The following STK26 variants were observed in gnomAD, a reference collection of about 807,000 sequenced individuals.
STK26 encodes the protein serine/threonine kinase 26, also known as serine/threonine-protein kinase 26.
Under a neutral mutation model 34.7 loss-of-function variants are expected in STK26, and 14 were observed. That is an observed-to-expected ratio of 0.40 (90% CI 0.27 to 0.63). The LOEUF is 0.63. STK26 is among the 30% of genes least tolerant of loss of function. The probability of loss-of-function intolerance (pLI) is 0.38; values close to 1 mark genes in which losing one functional copy is unlikely to be tolerated. For missense variants in STK26, 226 were observed against 309.1 expected (o/e 0.73, Z 2.02); for synonymous variants, 100 against 109.8 (o/e 0.91, Z 0.56).
rs1220222611 is a variant in STK26 at position 132,074,618 on chromosome X, A to C, written c.*459A>C. The C allele has an allele frequency of 9.0e-6, 1 of 111,567 alleles. No individual in the cohort carries two copies. The highest frequency in any genetic ancestry group is 3.3e-5 in the African/African-American group (1 of 30,547). 9.2% of individuals were successfully genotyped at this position (111,567 alleles called of 1,213,427 possible). ...AATGACTATTGGTGGGGAGGTGTAA[A>C]TAAGTCATACCTTCTTAAAACAGAA... is the stretch of plus-strand genomic sequence containing the variant. On this transcript the variant is annotated 3_prime_UTR_variant, in exon 12 of 12. Transcript: ENST00000394334.
intron 2 of STK26, among the ~76,000 whole-genome samples, chrX:132,040,247 C>T (rs1205637485): frequency 8.9e-6 from 1 of 112,476 alleles, no homozygotes; most frequent in Non-Finnish European, 1.9e-5. Context: ...GCATTAAGCC[C>T]GACTGAGAAT....
At chrX:132,054,567 C>A in intron 2 of STK26, 64 bp from the exon 3 acceptor site, 2 of 1,003,516 alleles carry the variant, frequency 2.0e-6, no homozygotes, top group Non-Finnish European at 2.7e-6. Flanking sequence ...TATTTTCCTT[C>A]ATTAAAAAAA....
At chrX:132,068,896 C>T (rs146813266) in intron 6 of STK26, among the ~76,000 whole-genome samples, 3,207 of 110,872 alleles carry the variant, frequency 0.029, 56 homozygotes, top group Middle Eastern at 0.065. Flanking sequence ...ACAGTGGCCT[C>T]ATGGTTGTTC....
At chrX:132,031,909 C>A (rs1414211687) in intron 2 of STK26, among the ~76,000 whole-genome samples, 1 of 111,942 alleles carries the variant, frequency 8.9e-6, no homozygotes, top group Non-Finnish European at 1.9e-5. Flanking sequence ...GGCACATTGA[C>A]AGCCAACTCT....
intron 2 of STK26, among the ~76,000 whole-genome samples, chrX:132,026,525 C>T (rs1275908312): frequency 8.9e-6 from 1 of 111,774 alleles, no homozygotes; most frequent in Non-Finnish European, 1.9e-5. Flanking sequence ...AAACCTGTTT[C>T]TTTCCACTCA....
intron 2 of STK26, among the ~76,000 whole-genome samples, chrX:132,036,026 C>T (rs1602746656): frequency 9.0e-6 from 1 of 111,635 alleles, no homozygotes; most frequent in Middle Eastern, 4.6e-3. Context: ...CTATACCTGT[C>T]AGATTCATAT....
intron 2 of STK26, among the ~76,000 whole-genome samples, chrX:132,044,030 C>T (rs1230224794): frequency 8.9e-6 from 1 of 111,779 alleles, no homozygotes; most frequent in East Asian, 2.8e-4. Flanking sequence ...CGTCAGTTTA[C>T]TGAATATAGT....
chrX:132,023,438 A>G, intron 1 of STK26, 31 bp downstream of exon 1: 1 of 604,231 alleles, frequency 1.7e-6, no homozygotes. Flanking sequence ...CTGCGCCGCT[A>G]ACAGCCCACC....
chrX:132,044,620 G>T (rs1264698451), intron 2 of STK26, among the ~76,000 whole-genome samples: 5 of 83,996 alleles, frequency 6.0e-5, no homozygotes. Context: ...TTCACTGGAT[G>T]TTCAAATTCT....
chrX:132,051,224 A>T (rs1926677189), intron 2 of STK26, among the ~76,000 whole-genome samples: 1 of 111,585 alleles, frequency 9.0e-6, no homozygotes, highest in Non-Finnish European at 1.9e-5. Flanking sequence ...CATACTAAAT[A>T]GTTGTTGTTG....
chrX:132,060,704 C>T (rs776416444), intron 3 of STK26, among the ~76,000 whole-genome samples: 2 of 108,734 alleles, frequency 1.8e-5, no homozygotes, highest in African/African-American at 6.7e-5. Context: ...CAGCCTCCAC[C>T]TCCCAGGTTC....
intron 2 of STK26, among the ~76,000 whole-genome samples, chrX:132,048,208 T>C (rs1926563693): frequency 9.0e-6 from 1 of 111,481 alleles, no homozygotes; most frequent in African/African-American, 3.2e-5. Flanking sequence ...TTTCAAAACA[T>C]CTTATTGTAT....
At chrX:132,025,377 G>C (rs1013723711) in intron 2 of STK26, among the ~76,000 whole-genome samples, 3 of 111,523 alleles carry the variant, frequency 2.7e-5, no homozygotes, top group Non-Finnish European at 5.6e-5. Flanking sequence ...AATGGTTTCT[G>C]ATTTTTATTT....
chrX:132,054,896 T>C (rs200897292), intron 3 of STK26, 35 bp downstream of exon 3: 2 of 1,081,515 alleles, frequency 1.8e-6, no homozygotes, highest in Non-Finnish European at 2.5e-6. Flanking sequence ...AGTCATAAGG[T>C]ATTTTCATTA....
At chrX:132,072,932 T>C in intron 10 of STK26, 25 bp from the exon 11 acceptor site, 5 of 1,206,569 alleles carry the variant, frequency 4.1e-6, no homozygotes, top group Non-Finnish European at 5.6e-6. Context: ...ATATTTTAAA[T>C]GTTTTAACTA....
intron 2 of STK26, among the ~76,000 whole-genome samples, chrX:132,034,292 C>CTTTTTTTTTTTTTTTT (rs561602079): frequency 2.4e-5 from 1 of 41,378 alleles, no homozygotes; most frequent in Non-Finnish European, 3.9e-5. Context: ...GACATTTATT[C>CTTTTTTTTTTTTTTTT]TTTTTTTTTT....
At chrX:132,055,552 A>G in intron 3 of STK26, 1 of 1,073,372 alleles carries the variant, frequency 9.3e-7, no homozygotes, top group South Asian at 2.0e-5. Flanking sequence ...CTTGGGTTCC[A>G]GAGTTAGAAG....
chrX:132,061,004 A>G (rs956974379), intron 3 of STK26, among the ~76,000 whole-genome samples: 8 of 111,994 alleles, frequency 7.1e-5, no homozygotes, highest in African/African-American at 2.6e-4. Context: ...GGTATATACT[A>G]CTTTGTAAAG....
At chrX:132,064,402 GA>G (rs767652484) in intron 4 of STK26, among the ~76,000 whole-genome samples, 2 of 112,057 alleles carry the variant, frequency 1.8e-5, no homozygotes, top group African/African-American at 3.2e-5. Context: ...CAGTGTGCAG[GA>G]AAATTCAACC....
Sources: allele counts gnomAD v4.1 joint callset (sites outside exome capture counted in the v4.1 genomes callset), GRCh38; gene constraint gnomAD v4.1.1; transcripts MANE v1.5; gene names NCBI Gene and HGNC (gene_info 2026-07-23, HGNC 2026-07-21).